Variants in MYOM3 observed in about 807,000 individuals in gnomAD.
MYOM3 encodes the protein myomesin-3.
Under a neutral mutation model 191.7 loss-of-function variants are expected in MYOM3, and 155 were observed. The ratio of observed to expected loss-of-function variants is 0.81; its 90% CI spans 0.71 to 0.92. The LOEUF is 0.92. Ranked by LOEUF, MYOM3 falls within the 40% of genes least tolerant of loss-of-function variation. MYOM3 has a pLI of 0.00. For missense variants in MYOM3, 1,889 were observed against 1,890.6 expected (o/e 1.00, Z 0.02); for synonymous variants, 757 against 762.9 (o/e 0.99, Z 0.13).
chr1:24,056,797 A>T lies in MYOM3; in HGVS notation c.*567T>A, dbSNP rs1297341920. On this transcript the variant is annotated 3_prime_UTR_variant, in exon 37 of 37. Transcript: ENST00000374434. ...TTTATCATGTCCTGCCTTGTCCTGG[A>T]GTTGTTTGCGCCCAGGTCTGTTTCT... The T allele has an allele frequency of 1.3e-5, 2 of 152,658 alleles. No homozygotes were observed. Among genetic ancestry groups the T allele is most frequent in the African/African-American group, 4.8e-5 (2 of 41,358 alleles). The allele number at this position is 152,658 out of a possible 1,614,324, so 9.5% of individuals were successfully genotyped here.
Position 24,065,913 on chromosome 1 carries a change from G to T in MYOM3, c.3512C>A (p.Thr1171Lys). ...PDGQYDPETG[T>K]GLLCIEELSK... ...TGCCTCTTCAATGCAGAGAAGTCCC[G>T]TTCCCGTCTCTGGGTCATACTGACC... The change falls in exon 29 of 37, where the codon ACG (threonine) becomes AAG (lysine). Residue 1171 changes from threonine (T) to lysine (K), a missense_variant. Coordinates refer to ENST00000374434, the MANE Select transcript of MYOM3 (RefSeq NM_152372.4). The T allele has an allele frequency of 6.2e-7, 1 of 1,612,440 alleles. No individual in the cohort carries two copies.
Position 24,075,483 on chromosome 1 carries a change from C to A in MYOM3, c.2702-8G>T. 2 of 1,554,192 alleles carry A rather than the reference C, an allele frequency of 1.3e-6. No homozygotes were observed. The highest frequency in any genetic ancestry group is 1.7e-6 in the Non-Finnish European group (2 of 1,153,550). ...CCTCGATCTCATGGGCACCTGAGGG[C>A]GAGATCCAACAGAGGGCAGCGGATG... On this transcript the variant is annotated splice_region_variant and splice_polypyrimidine_tract_variant and intron_variant, in intron 21 of 36. Transcript: ENST00000374434.
intron 27 of MYOM3, 93 bp from the exon 28 acceptor site, chr1:24,067,181 T>C: frequency 7.8e-7 from 1 of 1,284,094 alleles, no homozygotes; most frequent in Non-Finnish European, 1.1e-6. Context: ...GAGGGACAGC[T>C]AATGGCTATG....
chr1:24,092,190 C>T lies in MYOM3; in HGVS notation c.1216G>A (p.Ala406Thr). 2 of 1,464,456 alleles carry T rather than the reference C, an allele frequency of 1.4e-6. No homozygotes were observed. The highest frequency in any genetic ancestry group is 1.4e-5 in the South Asian group (1 of 69,974). The allele number at this position is 1,464,456 out of a possible 1,614,324, so 90.7% of individuals were successfully genotyped here. Residue 406 changes from alanine (A) to threonine (T), a missense_variant, in exon 11 of 37, where the codon GCC (alanine) becomes ACC (threonine). Physicochemically the swap from Ala to Thr is moderately conservative, Grantham distance 58. Transcript: ENST00000374434. ...PSDTRGNPITAYTIERCQGES... is the reference protein window; with the variant it reads ...PSDTRGNPITTYTIERCQGES... ...TCGACTCACCGCTCAATGGTGTAGG[C>T]AGTGATGGGGTTGCCCCGGGTGTCA...
chr1:24,108,333 C>CT, intron 2 of MYOM3, 143 bp downstream of exon 2: 1 of 953,504 alleles, frequency 1.0e-6, no homozygotes. Context: ...TGTGTCTCCC[C>CT]CCTCAGACAG....
At chr1:24,073,389 A>C (rs1643554097) in intron 23 of MYOM3, among the ~76,000 whole-genome samples, 1 of 152,144 alleles carries the variant, frequency 6.6e-6, no homozygotes, top group South Asian at 2.1e-4. Flanking sequence ...AATTTATCAA[A>C]TATGGATGGT....
chr1:24,062,421 A>G (rs527526937), intron 32 of MYOM3, among the ~76,000 whole-genome samples: 1 of 152,202 alleles, frequency 6.6e-6, no homozygotes, highest in Non-Finnish European at 1.5e-5. Context: ...GGAGGAACCT[A>G]TTGTCCTGAA....
At position 24,071,922 on chromosome 1, in the gene MYOM3, G is replaced by T. The variant is rs980993671; in HGVS notation, c.3013+47C>A. 5 of 1,593,398 alleles carry T rather than the reference G, an allele frequency of 3.1e-6. No homozygotes were observed. In the African/African-American group the frequency reaches 5.4e-5, roughly 17 times the overall value. Reference sequence around the variant, plus strand: ...TGCTCTGCTCAGAACATGCCAATGGGCCCAGTGGGAACTGCACAAGGCTGG... The same window carrying T: ...TGCTCTGCTCAGAACATGCCAATGGTCCCAGTGGGAACTGCACAAGGCTGG... On this transcript the variant is annotated intron_variant, in intron 24 of 36. Coordinates refer to ENST00000374434, the MANE Select transcript of MYOM3 (RefSeq NM_152372.4).
At position 24,082,734 on chromosome 1, in the gene MYOM3, C is replaced by G; in HGVS notation, c.1971-20G>C. 6.3e-7 allele frequency: 1 copy of G among 1,577,066 alleles called. No individual in the cohort carries two copies. The highest frequency in any genetic ancestry group is 8.6e-7 in the Non-Finnish European group (1 of 1,164,500). ...GTAAACCTGGGAGAGAAATGTGCAGCTTTCATGGATGTACAAACAGCCTGG... is the reference window on the plus strand; with the variant it reads ...GTAAACCTGGGAGAGAAATGTGCAGGTTTCATGGATGTACAAACAGCCTGG... On this transcript the variant is annotated intron_variant, in intron 16 of 36. Coordinates refer to ENST00000374434, the MANE Select transcript of MYOM3 (RefSeq NM_152372.4).
intron 25 of MYOM3, among the ~76,000 whole-genome samples, chr1:24,069,595 T>TTTTCTTTCTTTC (rs149395314): frequency 3.5e-5 from 5 of 142,008 alleles, no homozygotes; most frequent in Non-Finnish European, 6.0e-5. Context: ...TCCTTTTTTC[T>TTTTCTTTCTTTC]TTTCTTTCTT....
At chr1:24,076,125 G>A (rs1356806060) in intron 21 of MYOM3, 34 bp downstream of exon 21, 1 of 1,550,744 alleles carries the variant, frequency 6.4e-7, no homozygotes, top group Non-Finnish European at 8.9e-7. Flanking sequence ...GCGTAGCCCA[G>A]TGGCAGAGCT....
rs1643480107 is a variant in MYOM3, at chr1:24,068,354, T to C, written c.3164A>G (p.Asn1055Ser). 9 of 1,614,008 alleles carry C rather than the reference T, an allele frequency of 5.6e-6. No individual in the cohort carries two copies. The highest frequency in any genetic ancestry group is 4.0e-5 in the African/African-American group (3 of 74,928). The part of the protein sequence containing the change: ...EIFSSPNRKI[N>S]FDREKGLVEV... ...CACCAGGCCCTTCTCTCGGTCAAAA[T>C]TGATTTTGCGGTTCTGAAAAGGACA... Residue 1055 changes from asparagine (N) to serine (S), a missense_variant, in exon 26 of 37, where the codon AAT (asparagine) becomes AGT (serine). Physicochemically the swap from Asn to Ser is conservative, Grantham distance 46. Transcript: ENST00000374434.
intron 33 of MYOM3, 22 bp downstream of exon 33, chr1:24,061,924 C>T (rs775833108): frequency 6.2e-7 from 1 of 1,613,508 alleles, no homozygotes; most frequent in Non-Finnish European, 8.5e-7. Context: ...GGTTTCCCTG[C>T]AGACATAGGT....
Position 24,087,266 on chromosome 1 carries a change from ACCCCGCAC to A in MYOM3, c.1615-447_1615-440del, listed in dbSNP as rs1259583588. 6.6e-6 allele frequency among the ~76,000 whole-genome samples: 1 copy of A among 151,960 alleles called. No homozygotes were observed. The highest frequency in any genetic ancestry group is 1.5e-5 in the Non-Finnish European group (1 of 67,978). On this transcript the variant is annotated intron_variant, in intron 14 of 36. Coordinates refer to ENST00000374434, the MANE Select transcript of MYOM3 (RefSeq NM_152372.4). The surrounding 1 kb of genome is among the most constrained non-coding windows in gnomAD (Gnocchi z 4.5). ...CATAACCTTGATGCAGGCTGCCAGC[ACCCCGCAC>A]CTGAACGATCTCAATGGCCTCTTGA...
At chr1:24,103,990 C>T (rs993278571) in intron 5 of MYOM3, among the ~76,000 whole-genome samples, 1 of 152,192 alleles carries the variant, frequency 6.6e-6, no homozygotes, top group Non-Finnish European at 1.5e-5. Context: ...CTCTCCTACC[C>T]TCTAGGCCAG....
Position 24,089,576 on chromosome 1 carries a change from G to A in MYOM3, c.1576C>T (p.Pro526Ser). ...YVVLAWEEPS[P>S]RDRAPLTYSL... is the part of the protein sequence containing the mutation. ...TACGTCAGTGGTGCTCTGTCCCGGG[G>A]GCTGGGCTCCTCCCAGGCCAGAACC... The change falls in exon 14 of 37, where the codon CCC becomes TCC. Residue 526 changes from proline to serine, a missense_variant. By Grantham distance (74) the Pro-to-Ser change is moderately conservative. Coordinates refer to ENST00000374434, the MANE Select transcript of MYOM3 (RefSeq NM_152372.4). The A allele has an allele frequency of 1.3e-6, 2 of 1,599,052 alleles. No homozygotes were observed. The highest frequency in any genetic ancestry group is 1.7e-6 in the Non-Finnish European group (2 of 1,173,110).
At chr1:24,089,731 C>T in intron 13 of MYOM3, 66 bp from the exon 14 acceptor site, 1 of 1,496,888 alleles carries the variant, frequency 6.7e-7, no homozygotes, top group Non-Finnish European at 9.0e-7. Context: ...CTCAGTGCCT[C>T]ATTCCATGGA....
At chr1:24,090,606 C>T (rs955509352) in intron 12 of MYOM3, among the ~76,000 whole-genome samples, 191 bp downstream of exon 12, 1 of 152,128 alleles carries the variant, frequency 6.6e-6, no homozygotes, top group Non-Finnish European at 1.5e-5. Flanking sequence ...GATTGTGTCT[C>T]CTCCATCAGA....
chr1:24,089,515 G>A (rs375746173), intron 14 of MYOM3, 23 bp downstream of exon 14: 3 of 1,587,134 alleles, frequency 1.9e-6, no homozygotes, highest in Admixed American at 1.8e-5. Context: ...CTGGCCTGGG[G>A]CTGGGGCCTC....
Sources: allele counts gnomAD v4.1 joint callset (sites outside exome capture counted in the v4.1 genomes callset), GRCh38; gene constraint gnomAD v4.1.1; non-coding constraint Gnocchi (gnomAD v3.1); transcripts MANE v1.5; gene names NCBI Gene and HGNC (gene_info 2026-07-23, HGNC 2026-07-21).